The following UGT1A8 variants were observed in gnomAD, a reference collection of about 807,000 sequenced individuals.
UGT1A8 encodes UDP glucuronosyltransferase family 1 member A8.
In UGT1A8, 39 loss-of-function variants were observed where a neutral mutation model predicts 45.3. The observed-to-expected ratio is 0.86, with a 90% CI of 0.67 to 1.12. The LOEUF (loss-of-function observed/expected upper bound fraction) is 1.12, where lower values mean the gene tolerates loss of function less well. Among genes scored for constraint, UGT1A8 ranks in the 50% most tolerant of loss-of-function variants. UGT1A8 has a pLI of 0.00. For synonymous variants in UGT1A8, 275 were observed against 249.2 expected, an observed-to-expected ratio of 1.10 and a Z score of -0.97; for missense variants, 719 against 664.9, an observed-to-expected ratio of 1.08 and a Z score of -0.90.
At chr2:233,733,871 G>T (rs1394272645) in intron 1 of UGT1A8, among the ~76,000 whole-genome samples, 1 of 152,036 alleles carries the variant, frequency 6.6e-6, no homozygotes, top group Non-Finnish European at 1.5e-5. Flanking sequence ...AATAGTTTCA[G>T]AAGGAATGGT....
chr2:233,684,736 AT>A (rs2074697690), intron 1 of UGT1A8, among the ~76,000 whole-genome samples: 1 of 152,070 alleles, frequency 6.6e-6, no homozygotes, highest in East Asian at 1.9e-4. Flanking sequence ...TAGAAAATAA[AT>A]ATAATTATCA....
At chr2:233,718,190 C>T (rs2076637077) in intron 1 of UGT1A8, among the ~76,000 whole-genome samples, 1 of 152,170 alleles carries the variant, frequency 6.6e-6, no homozygotes, top group African/African-American at 2.4e-5. Context: ...GCTCAGCCTC[C>T]CCGGAGCTTT....
chr2:233,670,045 C>G (rs1442212769), intron 1 of UGT1A8, among the ~76,000 whole-genome samples: 1 of 152,110 alleles, frequency 6.6e-6, no homozygotes, highest in African/African-American at 2.4e-5. Context: ...GCACTAGAAG[C>G]CTTACCAATA....
At chr2:233,621,244 A>G (rs1005441348) in intron 1 of UGT1A8, among the ~76,000 whole-genome samples, 1 of 152,154 alleles carries the variant, frequency 6.6e-6, no homozygotes, top group African/African-American at 2.4e-5. Context: ...GTGTGTGTTG[A>G]TTAAAGATGT....
Position 233,619,479 on chromosome 2 carries a change from G to C in UGT1A8, c.855+917G>C, listed in dbSNP as rs556696385. Among the ~76,000 whole-genome samples the C allele has an allele frequency of 6.6e-5, 10 of 152,256 alleles. No homozygotes were observed. The South Asian group carries it at 1.0e-3, about 16-fold the overall frequency. On this transcript the variant is annotated intron_variant, in intron 1 of 4. Transcript: ENST00000373450. The stretch of plus-strand genomic sequence containing the variant: ...GACTAGAGTCCTACATGTAGGGTTA[G>C]AGGGTTTTCCTGAATTGAGAAGATT...
intron 1 of UGT1A8, among the ~76,000 whole-genome samples, chr2:233,650,629 T>A (rs1461489777): frequency 6.6e-6 from 1 of 152,248 alleles, no homozygotes; most frequent in African/African-American, 2.4e-5. Flanking sequence ...AACTTTTTTT[T>A]AAAGCATCAG....
intron 1 of UGT1A8, among the ~76,000 whole-genome samples, chr2:233,670,205 A>G (rs1416987432): frequency 6.6e-6 from 1 of 152,252 alleles, no homozygotes; most frequent in East Asian, 1.9e-4. Context: ...GTGGATCATG[A>G]TAAAGGTCTT....
chr2:233,648,910 C>A, intron 1 of UGT1A8: 1 of 1,348,368 alleles, frequency 7.4e-7, no homozygotes, highest in Non-Finnish European at 1.0e-6. Context: ...TCTCTACAGC[C>A]ACACATCAAT....
At position 233,689,057 on chromosome 2, in the gene UGT1A8, A is replaced by T. The variant is rs192773385; in HGVS notation, c.855+70495A>T. ...TCCTACTTTATGTCTCTTCTGTATA[A>T]TCCCTTTGTCATGGCTTAACTTAGT... is the stretch of plus-strand genomic sequence containing the variant. On this transcript the variant is annotated intron_variant, in intron 1 of 4. Transcript: ENST00000373450. Among the ~76,000 whole-genome samples, 3 of 152,266 alleles carry T rather than the reference A, an allele frequency of 2.0e-5. No individual in the cohort carries two copies. In the East Asian group the frequency reaches 5.8e-4, roughly 29 times the overall value.
chr2:233,718,388 G>T (rs189947965), intron 1 of UGT1A8, among the ~76,000 whole-genome samples: 20 of 152,300 alleles, frequency 1.3e-4, no homozygotes, highest in African/African-American at 4.6e-4. Context: ...GAGTTTCAAG[G>T]GTTAGCAAAT....
At chr2:233,693,684 C>G in intron 1 of UGT1A8, 1 of 1,614,168 alleles carries the variant, frequency 6.2e-7, no homozygotes, top group Non-Finnish European at 8.5e-7. Flanking sequence ...TGTCTGTTTT[C>G]AAAGTATGAA....
At chr2:233,655,642 T>C (rs769239619) in intron 1 of UGT1A8, among the ~76,000 whole-genome samples, 10 of 152,058 alleles carry the variant, frequency 6.6e-5, no homozygotes, top group Non-Finnish European at 8.8e-5. Context: ...ACTCTTCTCT[T>C]GTAGGGGATA....
At chr2:233,717,512 A>G (rs2076582211) in intron 1 of UGT1A8, among the ~76,000 whole-genome samples, 1 of 152,150 alleles carries the variant, frequency 6.6e-6, no homozygotes, top group Non-Finnish European at 1.5e-5. Flanking sequence ...TTCTAATGGG[A>G]GTAACTTCCT....
At chr2:233,630,845 T>A (rs2073174051) in intron 1 of UGT1A8, among the ~76,000 whole-genome samples, 1 of 152,064 alleles carries the variant, frequency 6.6e-6, no homozygotes, top group Admixed American at 6.6e-5. Context: ...ACTCTTTTTT[T>A]TTTTTTATAC....
intron 1 of UGT1A8, among the ~76,000 whole-genome samples, chr2:233,638,049 A>G (rs1009461710): frequency 9.2e-5 from 14 of 152,144 alleles, no homozygotes; most frequent in African/African-American, 3.1e-4. Context: ...CCTTGCGTGA[A>G]TATATTTCTA....
At position 233,693,663 on chromosome 2, in the gene UGT1A8, A is replaced by G. The variant is rs201621149; in HGVS notation, c.856-73371A>G. On this transcript the variant is annotated intron_variant, in intron 1 of 4. Transcript: ENST00000373450. The stretch of plus-strand genomic sequence containing the variant: ...TTCCTTGTTAATTTGTTGGAGCCCT[A>G]TCTATTTTATTGTCTGTTTTCAAAG... 7 of 1,614,142 alleles carry G rather than the reference A, an allele frequency of 4.3e-6. No homozygotes were observed. In the African/African-American group the frequency reaches 6.7e-5, roughly 15 times the overall value.
intron 1 of UGT1A8, among the ~76,000 whole-genome samples, chr2:233,748,871 G>A (rs1439013136): frequency 2.0e-5 from 3 of 151,510 alleles, no homozygotes; most frequent in Admixed American, 6.6e-5. Flanking sequence ...AGCTGGGGAC[G>A]GTGATGAATG....
chr2:233,757,899 T>C (rs1696747026), intron 1 of UGT1A8, among the ~76,000 whole-genome samples: 1 of 152,126 alleles, frequency 6.6e-6, no homozygotes, highest in African/African-American at 2.4e-5. Context: ...ACACTTTCCA[T>C]GGACGTGTCA....
intron 1 of UGT1A8, among the ~76,000 whole-genome samples, chr2:233,681,524 C>A: frequency 8.1e-6 from 1 of 123,972 alleles, no homozygotes; most frequent in African/African-American, 3.2e-5. Flanking sequence ...CAGTGAGACT[C>A]CATCTCAAAA....
Sources: allele counts gnomAD v4.1 joint callset (sites outside exome capture counted in the v4.1 genomes callset), GRCh38; gene constraint gnomAD v4.1.1; transcripts MANE v1.5; gene names NCBI Gene and HGNC (gene_info 2026-07-23, HGNC 2026-07-21).